TSHZ2: variants seen among roughly 807,000 people sequenced by gnomAD.
TSHZ2 encodes teashirt homolog 2.
TSHZ2 carries 21 observed loss-of-function variants against 74.4 expected under a neutral mutation model. The observed-to-expected ratio is 0.28, with a 90% CI of 0.20 to 0.41. The LOEUF (loss-of-function observed/expected upper bound fraction) is 0.41. TSHZ2 is among the 10% of genes least tolerant of loss of function. The probability of loss-of-function intolerance (pLI) is 1.00; values close to 1 mark genes in which losing one functional copy is unlikely to be tolerated. For synonymous variants in TSHZ2, 540 were observed against 515.3 expected (o/e 1.05, Z -0.65); for missense variants, 1,244 against 1,293.5 (o/e 0.96, Z 0.59).
intron 2 of TSHZ2, among the ~76,000 whole-genome samples, chr20:53,311,704 A>C (rs1978795510): frequency 6.6e-6 from 1 of 152,192 alleles, no homozygotes; most frequent in Admixed American, 6.5e-5. Flanking sequence ...GTTTCCCAGC[A>C]GTTTCCACTC....
intron 1 of TSHZ2, among the ~76,000 whole-genome samples, chr20:53,226,557 T>C (rs1446571163): frequency 6.6e-6 from 1 of 152,084 alleles, no homozygotes; most frequent in Non-Finnish European, 1.5e-5. Context: ...TAGAAGCTCT[T>C]TAATAGATGT....
intron 1 of TSHZ2, among the ~76,000 whole-genome samples, chr20:52,979,787 G>A (rs1981491546): frequency 6.6e-6 from 1 of 152,092 alleles, no homozygotes; most frequent in Non-Finnish European, 1.5e-5. Context: ...TTAAAATTCA[G>A]GAGGCACAGC....
chr20:53,471,825 A>AGATAGAGTTTCACTCTTGTTGCCCAGGCT (rs1985814353), intron 2 of TSHZ2, among the ~76,000 whole-genome samples: 2 of 76,402 alleles, frequency 2.6e-5, no homozygotes, highest in Non-Finnish European at 5.0e-5. Context: ...TTTTTTTTTG[A>AGATAGAGTTTCACTCTTGTTGCCCAGGCT]GATAGAGTTT....
intron 1 of TSHZ2, among the ~76,000 whole-genome samples, chr20:53,140,306 T>C (rs887459453): frequency 2.2e-4 from 34 of 152,050 alleles, no homozygotes; most frequent in African/African-American, 7.7e-4. Flanking sequence ...TTTGGGAGGC[T>C]GAGGCGGGCA....
At chr20:53,365,771 C>T (rs1310959790) in intron 2 of TSHZ2, among the ~76,000 whole-genome samples, 1 of 152,214 alleles carries the variant, frequency 6.6e-6, no homozygotes, top group Non-Finnish European at 1.5e-5. Flanking sequence ...AAACCTTGGT[C>T]TCTCTTCTGG....
intron 1 of TSHZ2, among the ~76,000 whole-genome samples, chr20:53,037,225 G>A (rs1983856140): frequency 6.6e-6 from 1 of 152,164 alleles, no homozygotes; most frequent in Admixed American, 6.5e-5. Flanking sequence ...GTCAGTGAGC[G>A]CTCAGGAAGC....
chr20:53,018,943 G>C (rs998296666), intron 1 of TSHZ2, among the ~76,000 whole-genome samples: 4 of 152,168 alleles, frequency 2.6e-5, no homozygotes, highest in Non-Finnish European at 5.9e-5. Flanking sequence ...AGTGCTATGA[G>C]ACTGTTTTCA....
chr20:53,372,255 C>T (rs1981501426), intron 2 of TSHZ2, among the ~76,000 whole-genome samples: 1 of 152,122 alleles, frequency 6.6e-6, no homozygotes, highest in Non-Finnish European at 1.5e-5. Flanking sequence ...GCAGGCGGAC[C>T]ACTTGAGGTC....
chr20:53,329,739 A>G (rs1231245279), intron 2 of TSHZ2, among the ~76,000 whole-genome samples: 1 of 152,242 alleles, frequency 6.6e-6, no homozygotes, highest in Admixed American at 6.5e-5. Context: ...TTCTAAAAAC[A>G]AAGAAATCAG....
At chr20:53,342,958 T>TTTTTC (rs1980275183) in intron 2 of TSHZ2, among the ~76,000 whole-genome samples, 3 of 102,630 alleles carry the variant, frequency 2.9e-5, no homozygotes, top group Non-Finnish European at 3.9e-5. Context: ...TTCTTTTCTT[T>TTTTTC]TTTTTTTTTT....
chr20:53,238,892 G>A (rs1478231716), intron 1 of TSHZ2, among the ~76,000 whole-genome samples: 1 of 151,642 alleles, frequency 6.6e-6, no homozygotes, highest in Non-Finnish European at 1.5e-5. Context: ...ACATCAAGGG[G>A]GAAGGGAGGG....
Position 53,351,311 on chromosome 20 carries a change from G to T in TSHZ2, c.*8+94740G>T, listed in dbSNP as rs117971621. Among the ~76,000 whole-genome samples the T allele has an allele frequency of 8.8e-4, 134 of 152,104 alleles. 2 individuals carry two copies. The East Asian group carries it at 0.024, about 28-fold the overall frequency. On this transcript the variant is annotated intron_variant, in intron 2 of 2. Transcript: ENST00000371497. ...TTGCATGGTTAAAAACTGGGGAGGT[G>T]GGAATTGACATTTCCTTTGAACTCC...
At chr20:53,414,916 T>C (rs1345006757) in intron 2 of TSHZ2, among the ~76,000 whole-genome samples, 2 of 152,162 alleles carry the variant, frequency 1.3e-5, no homozygotes, top group Non-Finnish European at 2.9e-5. Context: ...CCTCATTCTT[T>C]TTTCAGATGG....
At chr20:53,130,991 C>A (rs184161083) in intron 1 of TSHZ2, among the ~76,000 whole-genome samples, 1 of 152,088 alleles carries the variant, frequency 6.6e-6, no homozygotes, top group Non-Finnish European at 1.5e-5. Flanking sequence ...GCCTCTGACA[C>A]GTGGATGATA....
chr20:53,325,103 G>A (rs1979436359), intron 2 of TSHZ2, among the ~76,000 whole-genome samples: 1 of 152,074 alleles, frequency 6.6e-6, no homozygotes, highest in Non-Finnish European at 1.5e-5. Context: ...ACGAACACAG[G>A]GACTGTGAAA....
intron 2 of TSHZ2, among the ~76,000 whole-genome samples, chr20:53,269,809 A>T (rs963044970): frequency 6.9e-6 from 1 of 145,392 alleles, no homozygotes; most frequent in Non-Finnish European, 1.5e-5. Flanking sequence ...AAAAAAAAAG[A>T]AAAGAAAATC....
chr20:53,192,132 G>A (rs1225783710), intron 1 of TSHZ2, among the ~76,000 whole-genome samples: 1 of 152,096 alleles, frequency 6.6e-6, no homozygotes, highest in African/African-American at 2.4e-5. Flanking sequence ...GGGAAATGGA[G>A]GCTCAGAGTG....
intron 1 of TSHZ2, among the ~76,000 whole-genome samples, chr20:53,232,879 C>T (rs910674734): frequency 6.6e-6 from 1 of 152,098 alleles, no homozygotes; most frequent in African/African-American, 2.4e-5. Flanking sequence ...CAGCAAGCTG[C>T]ACTACTTCTA....
intron 1 of TSHZ2, among the ~76,000 whole-genome samples, chr20:53,062,177 T>C (rs902026344): frequency 1.3e-5 from 2 of 152,242 alleles, no homozygotes; most frequent in Non-Finnish European, 2.9e-5. Context: ...TTAACCTCTC[T>C]GATTTTGTCA....
Sources: allele counts gnomAD v4.1 joint callset (sites outside exome capture counted in the v4.1 genomes callset), GRCh38; gene constraint gnomAD v4.1.1; transcripts MANE v1.5; gene names NCBI Gene and HGNC (gene_info 2026-07-23, HGNC 2026-07-21).